The following ZDHHC14 variants were observed in gnomAD, a reference collection of about 807,000 sequenced individuals.
ZDHHC14 encodes the protein palmitoyltransferase ZDHHC14.
A neutral mutation model predicts 47.7 loss-of-function variants in ZDHHC14; 16 were observed. The ratio of observed to expected loss-of-function variants is 0.34; its 90% CI spans 0.23 to 0.51. ZDHHC14 has a LOEUF of 0.51. Among genes scored for constraint, ZDHHC14 ranks in the 20% least tolerant of loss-of-function variants. ZDHHC14 has a pLI of 0.97. For missense variants in ZDHHC14, 515 were observed against 662.5 expected (o/e 0.78, Z 2.44); for synonymous variants, 293 against 278.9 (o/e 1.05, Z -0.50).
At chr6:157,517,999 C>G (rs1251611397) in intron 1 of ZDHHC14, among the ~76,000 whole-genome samples, 1 of 152,146 alleles carries the variant, frequency 6.6e-6, no homozygotes, top group East Asian at 1.9e-4. Flanking sequence ...ACGTCCCCAG[C>G]CCCCGTGCAT....
chr6:157,500,642 T>C (rs1231798048), intron 1 of ZDHHC14, among the ~76,000 whole-genome samples: 1 of 152,184 alleles, frequency 6.6e-6, no homozygotes, highest in Non-Finnish European at 1.5e-5. Flanking sequence ...GAAACAGCTT[T>C]GCTCTTATTC....
chr6:157,572,325 C>T (rs1187428660), intron 2 of ZDHHC14, among the ~76,000 whole-genome samples: 2 of 152,084 alleles, frequency 1.3e-5, no homozygotes, highest in Non-Finnish European at 2.9e-5. Context: ...AGGCAAATCG[C>T]CCTGGTTGAG....
chr6:157,628,604 C>T, intron 4 of ZDHHC14, 118 bp downstream of exon 4: 1 of 1,336,170 alleles, frequency 7.5e-7, no homozygotes, highest in Non-Finnish European at 1.0e-6. Context: ...CTTTCTTTCT[C>T]CCTTTCCCCT....
At chr6:157,433,604 G>T (rs1778383856) in intron 1 of ZDHHC14, among the ~76,000 whole-genome samples, 1 of 152,182 alleles carries the variant, frequency 6.6e-6, no homozygotes, top group African/African-American at 2.4e-5. Flanking sequence ...TTGACTGGGT[G>T]ACCCCAGGGT....
intron 5 of ZDHHC14, 141 bp downstream of exon 5, chr6:157,633,023 G>C: frequency 1.1e-6 from 1 of 871,168 alleles, no homozygotes; most frequent in East Asian, 2.4e-5. Context: ...AGATTCACTG[G>C]CACGAGTAGT....
chr6:157,482,112 C>T (rs567776291), intron 1 of ZDHHC14, among the ~76,000 whole-genome samples: 3 of 152,048 alleles, frequency 2.0e-5, no homozygotes, highest in Non-Finnish European at 4.4e-5. Context: ...AAAAAGTGCA[C>T]GATCTTCTTG....
intron 1 of ZDHHC14, among the ~76,000 whole-genome samples, chr6:157,403,307 A>C (rs1583615677): frequency 6.6e-6 from 1 of 152,322 alleles, no homozygotes; most frequent in South Asian, 2.1e-4. Flanking sequence ...CTACGAAATA[A>C]CCTGCTAGGT....
intron 3 of ZDHHC14, among the ~76,000 whole-genome samples, chr6:157,614,802 A>T (rs1033709899): frequency 6.7e-6 from 1 of 149,206 alleles, no homozygotes; most frequent in Non-Finnish European, 1.5e-5. Context: ...ACAGAGTCTC[A>T]CTGTGTCACC....
chr6:157,431,506 G>A (rs1449223368), intron 1 of ZDHHC14, among the ~76,000 whole-genome samples: 1 of 151,950 alleles, frequency 6.6e-6, no homozygotes, highest in African/African-American at 2.4e-5. Context: ...CAAGAATTCT[G>A]TTTTGGAGAC....
intron 1 of ZDHHC14, among the ~76,000 whole-genome samples, chr6:157,537,271 A>T (rs1467829281): frequency 7.0e-6 from 1 of 142,892 alleles, no homozygotes; most frequent in Non-Finnish European, 1.5e-5. Flanking sequence ...TTTACTAAAG[A>T]TTCAAAGAGA....
chr6:157,433,633 T>G (rs1301098797), intron 1 of ZDHHC14, among the ~76,000 whole-genome samples: 1 of 151,462 alleles, frequency 6.6e-6, no homozygotes, highest in Admixed American at 6.6e-5. Context: ...CTCTAAAAAT[T>G]CTCAGATTGT....
At chr6:157,477,141 T>C (rs1035643646) in intron 1 of ZDHHC14, among the ~76,000 whole-genome samples, 8 of 152,150 alleles carry the variant, frequency 5.3e-5, no homozygotes, top group Non-Finnish European at 8.8e-5. Context: ...AGCACTTTGG[T>C]AGGCTGAGGG....
intron 1 of ZDHHC14, among the ~76,000 whole-genome samples, chr6:157,387,998 GTTAA>G (rs1342186272): frequency 2.6e-5 from 4 of 152,208 alleles, no homozygotes; most frequent in Admixed American, 6.5e-5. Flanking sequence ...ATTCAAGTGT[GTTAA>G]TTAAAGCAGA....
At chr6:157,670,601 C>T (rs1045267282) in intron 8 of ZDHHC14, among the ~76,000 whole-genome samples, 2 of 152,130 alleles carry the variant, frequency 1.3e-5, no homozygotes, top group African/African-American at 4.8e-5. Flanking sequence ...GGCCGCCTTC[C>T]AAGTAGTTTC....
chr6:157,566,751 C>T lies in ZDHHC14; in HGVS notation c.406+24006C>T, dbSNP rs112734823. 4.2e-3 allele frequency among the ~76,000 whole-genome samples: 636 copies of T among 152,240 alleles called. 3 individuals are homozygous for T. Among genetic ancestry groups the T allele is most frequent in the African/African-American group, 0.015 (616 of 41,532 alleles). On this transcript the variant is annotated intron_variant, in intron 2 of 8. Transcript: ENST00000359775. The stretch of plus-strand genomic sequence containing the variant: ...GTCAGAACCCAAGTCCCAGTCCCAT[C>T]TGGGTCACTAGAATTTTCTTACCCA...
In ZDHHC14 at chr6:157,628,377, A is replaced by G; in HGVS notation, c.594A>G (p.Val198=). The G allele has an allele frequency of 6.2e-7, 1 of 1,611,656 alleles. No individual in the cohort carries two copies. Among genetic ancestry groups the G allele is most frequent in the Non-Finnish European group, 8.5e-7 (1 of 1,179,574 alleles). Reference sequence around the variant, plus strand: ...GGTTTGATCACCACTGTCCCTGGGTAGGCAACTGTGTGGGGAAAAGAAACT... The same window carrying G: ...GGTTTGATCACCACTGTCCCTGGGTGGGCAACTGTGTGGGGAAAAGAAACT... ...VERFDHHCPW[V]GNCVGKRNYR... The change falls in exon 4 of 9, where the codon GTA becomes GTG. Residue 198 remains valine (V), a synonymous_variant. Transcript: ENST00000359775.
chr6:157,445,737 A>G (rs1031101059), intron 1 of ZDHHC14, among the ~76,000 whole-genome samples: 1 of 152,230 alleles, frequency 6.6e-6, no homozygotes, highest in Non-Finnish European at 1.5e-5. Flanking sequence ...CAGAAAAAAA[A>G]TAACTGAGGC....
chr6:157,410,761 A>G (rs186858914), intron 1 of ZDHHC14, among the ~76,000 whole-genome samples: 4 of 152,130 alleles, frequency 2.6e-5, no homozygotes, highest in African/African-American at 2.4e-5. Flanking sequence ...CAGTGGCATG[A>G]TCTTGGTTCA....
chr6:157,668,142 G>C (rs1372168927), intron 8 of ZDHHC14, among the ~76,000 whole-genome samples: 2 of 152,230 alleles, frequency 1.3e-5, no homozygotes, highest in African/African-American at 4.8e-5. Context: ...CCTGATGCCA[G>C]TGCCCCTGCC....
Sources: gnomAD v4.1 joint callset for allele counts (sites outside exome capture counted in the v4.1 genomes callset) on GRCh38, gnomAD v4.1.1 for gene constraint, MANE v1.5 for transcripts, NCBI Gene and HGNC (gene_info 2026-07-23, HGNC 2026-07-21) for gene names.